DMXL2: variants seen among roughly 807,000 people sequenced by gnomAD.
The protein encoded by DMXL2 is Dmx like 2.
In DMXL2, 103 loss-of-function variants were observed where a neutral mutation model predicts 331.1. The ratio of observed to expected loss-of-function variants is 0.31; its 90% CI spans 0.27 to 0.37. The LOEUF (loss-of-function observed/expected upper bound fraction) is 0.37. Among genes scored for constraint, DMXL2 ranks in the 10% least tolerant of loss-of-function variants. The probability of loss-of-function intolerance (pLI) is 1.00; values close to 1 mark genes in which losing one functional copy is unlikely to be tolerated. For missense variants in DMXL2, 3,171 were observed against 3,642.9 expected (o/e 0.87, Z 3.33); for synonymous variants, 1,281 against 1,252.1 (o/e 1.02, Z -0.49).
In DMXL2 at chr15:51,622,604, C is replaced by T; in HGVS notation, c.-59G>A. 2 of 1,507,368 alleles carry T rather than the reference C, an allele frequency of 1.3e-6. No homozygotes were observed. The highest frequency in any genetic ancestry group is 1.3e-5 in the South Asian group (1 of 79,710). The allele number at this position is 1,507,368 out of a possible 1,614,324, so 93.4% of individuals were successfully genotyped here. ...GGTGCGACAAGCTCCGCGCCTGACC[C>T]TCCTCGGGCTGCGAGAGCCGTTTCC... On this transcript the variant is annotated 5_prime_UTR_variant, in exon 1 of 44. Transcript: ENST00000560891.
rs200276497 is a variant in DMXL2 at position 51,545,572 on chromosome 15, T to C, written c.930+11A>G. ...TTCAAAATTCATTTACCATTTTAAA[T>C]AATATAATACCTCAAGAGCATGCTG... On this transcript the variant is annotated intron_variant, in intron 8 of 43. Transcript: ENST00000560891. The C allele has an allele frequency of 2.3e-5, 36 of 1,595,530 alleles. No homozygotes were observed. The highest frequency in any genetic ancestry group is 2.7e-5 in the Non-Finnish European group (32 of 1,170,630).
At chr15:51,463,242 G>A in intron 33 of DMXL2, 137 bp downstream of exon 33, 2 of 560,036 alleles carry the variant, frequency 3.6e-6, no homozygotes, top group Non-Finnish European at 6.3e-6. Context: ...CTTAAAAGTA[G>A]TTCACGGTAG....
chr15:51,492,661 A>C (rs1357880012), intron 19 of DMXL2, among the ~76,000 whole-genome samples: 1 of 152,236 alleles, frequency 6.6e-6, no homozygotes, highest in Non-Finnish European at 1.5e-5. Context: ...TAAAAACGAA[A>C]CATAATGAAT....
chr15:51,533,812 G>A (rs548367581), intron 13 of DMXL2, among the ~76,000 whole-genome samples: 6 of 152,276 alleles, frequency 3.9e-5, no homozygotes, highest in African/African-American at 1.4e-4. Flanking sequence ...AATGTATACT[G>A]CTAGGCTCTT....
intron 25 of DMXL2, 39 bp downstream of exon 25, chr15:51,479,909 A>T: frequency 7.2e-7 from 1 of 1,382,410 alleles, no homozygotes; most frequent in Non-Finnish European, 9.6e-7. Context: ...TTACCTTCTC[A>T]GGGTGTATAA....
At position 51,548,672 on chromosome 15, in the gene DMXL2, C is replaced by T. The variant is rs183333146; in HGVS notation, c.568-1264G>A. Among the ~76,000 whole-genome samples, 51 of 152,160 alleles carry T rather than the reference C, an allele frequency of 3.4e-4. No homozygotes were observed. In the East Asian group the frequency reaches 9.5e-3, roughly 28 times the overall value. ...TACTCTAGCCCTTCTCCCATTCCCA[C>T]CAATCTCCCCCTCAAATGAAGCAGT... is the stretch of plus-strand genomic sequence containing the variant. On this transcript the variant is annotated intron_variant, in intron 6 of 43. Coordinates refer to ENST00000560891, the MANE Select transcript of DMXL2 (RefSeq NM_001378457.1).
In DMXL2 at chr15:51,453,719, A is replaced by C. The variant is rs72729254; in HGVS notation, c.8605-78T>G. 2,082 of 1,158,454 alleles carry C rather than the reference A, an allele frequency of 1.8e-3. 2 individuals carry two copies. The highest frequency in any genetic ancestry group is 2.3e-3 in the Non-Finnish European group (1,784 of 781,906). 71.8% of individuals were successfully genotyped at this position (1,158,454 alleles called of 1,614,324 possible). On this transcript the variant is annotated intron_variant, in intron 40 of 43. Coordinates refer to ENST00000560891, the MANE Select transcript of DMXL2 (RefSeq NM_001378457.1). The stretch of plus-strand genomic sequence containing the variant: ...TACAGTACCAACATACATGTCTGCT[A>C]ATAACATACTATATGCATGAGCTAA...
chr15:51,477,876 T>C (rs1046878209), intron 26 of DMXL2, among the ~76,000 whole-genome samples: 1 of 152,090 alleles, frequency 6.6e-6, no homozygotes, highest in Non-Finnish European at 1.5e-5. Context: ...AGGAATGTAC[T>C]TTTTCATTTT....
chr15:51,616,351 C>T (rs1259210031), intron 1 of DMXL2, among the ~76,000 whole-genome samples: 1 of 149,580 alleles, frequency 6.7e-6, no homozygotes, highest in Non-Finnish European at 1.5e-5. Context: ...TGCAGGCAAA[C>T]GAAAAAAAAA....
chr15:51,491,803 A>G, intron 19 of DMXL2, 56 bp from the exon 20 acceptor site: 9 of 1,475,620 alleles, frequency 6.1e-6, no homozygotes, highest in Middle Eastern at 1.8e-4. Flanking sequence ...AAGAAGAAAA[A>G]CAATTTTTCA....
chr15:51,547,513 A>C, intron 6 of DMXL2, 105 bp from the exon 7 acceptor site: 1 of 688,640 alleles, frequency 1.5e-6, no homozygotes, highest in Non-Finnish European at 2.2e-6. Context: ...AAAAACTAAT[A>C]TGTGACTTAT....
chr15:51,461,388 T>C (rs750172051), intron 33 of DMXL2, among the ~76,000 whole-genome samples: 1 of 152,204 alleles, frequency 6.6e-6, no homozygotes, highest in Non-Finnish European at 1.5e-5. Context: ...CACAGCACTC[T>C]ACACTCTGAC....
At chr15:51,460,817 A>T (rs921053896) in intron 33 of DMXL2, among the ~76,000 whole-genome samples, 6 of 152,150 alleles carry the variant, frequency 3.9e-5, no homozygotes, top group Admixed American at 1.3e-4. Flanking sequence ...TTTATTCATA[A>T]TTTTTTTCTT....
chr15:51,470,709 T>G (rs941275121), intron 29 of DMXL2, among the ~76,000 whole-genome samples: 1 of 152,054 alleles, frequency 6.6e-6, no homozygotes, highest in Admixed American at 6.5e-5. Context: ...AAGCAAACAT[T>G]AGCATGCACC....
intron 6 of DMXL2, among the ~76,000 whole-genome samples, chr15:51,551,985 T>C (rs1484500859): frequency 6.6e-6 from 1 of 152,154 alleles, no homozygotes; most frequent in South Asian, 2.1e-4. Context: ...AAACTGAGAG[T>C]TGAAGGATAC....
chr15:51,492,572 T>C (rs2042888659), intron 19 of DMXL2, among the ~76,000 whole-genome samples: 1 of 152,200 alleles, frequency 6.6e-6, no homozygotes, highest in South Asian at 2.1e-4. Flanking sequence ...ACTGACGCTA[T>C]TAGACTTTTA....
chr15:51,607,911 A>C (rs1172778788), intron 1 of DMXL2, among the ~76,000 whole-genome samples: 1 of 152,110 alleles, frequency 6.6e-6, no homozygotes, highest in Non-Finnish European at 1.5e-5. Flanking sequence ...GAAACAAAAT[A>C]GGCTGGGCTC....
rs930139537 is a variant in DMXL2, at chr15:51,489,939, GAC to G, written c.4954-1296_4954-1295del. On this transcript the variant is annotated intron_variant, in intron 20 of 43. Coordinates refer to ENST00000560891, the MANE Select transcript of DMXL2 (RefSeq NM_001378457.1). Reference sequence around the variant, plus strand: ...TTATCACAGATAATCATAATGACAAGACACATGTTGACAAGAAGTAAAATCTT... The same window carrying G: ...TTATCACAGATAATCATAATGACAAGACATGTTGACAAGAAGTAAAATCTT... 6.3e-4 allele frequency among the ~76,000 whole-genome samples: 96 copies of G among 152,150 alleles called. 1 individual carries two copies. Among genetic ancestry groups the G allele is most frequent in the African/African-American group, 2.2e-3 (91 of 41,428 alleles).
chr15:51,498,823 C>T lies in DMXL2; in HGVS notation c.4401G>A (p.Gln1467=). The part of the protein sequence containing the change: ...EDQTVSQPED[Q]YSELFQIQDI... ...CCTGGATTTGAAACAGCTCTGAATA[C>T]TGATCCTCTGGTTGACTTACTGTCT... The change falls in exon 18 of 44, where the codon CAG becomes CAA. Residue 1467 remains glutamine, a synonymous_variant. Transcript: ENST00000560891. The T allele has an allele frequency of 1.9e-6, 3 of 1,614,156 alleles. No individual in the cohort carries two copies. Among genetic ancestry groups the T allele is most frequent in the Non-Finnish European group, 2.5e-6 (3 of 1,180,006 alleles).
Sources: allele counts gnomAD v4.1 joint callset (sites outside exome capture counted in the v4.1 genomes callset), GRCh38; gene constraint gnomAD v4.1.1; transcripts MANE v1.5; gene names NCBI Gene and HGNC (gene_info 2026-07-23, HGNC 2026-07-21).